The following MIOS variants were observed in gnomAD, a reference collection of about 807,000 sequenced individuals.
MIOS encodes the protein meiosis regulator for oocyte development, also known as GATOR2 complex protein MIOS.
Under a neutral mutation model 96.9 loss-of-function variants are expected in MIOS, and 52 were observed. The ratio of observed to expected loss-of-function variants is 0.54; its 90% CI spans 0.43 to 0.68. The LOEUF (loss-of-function observed/expected upper bound fraction) is 0.68. MIOS is among the 30% of genes least tolerant of loss of function. The pLI, the probability that MIOS is intolerant of heterozygous loss-of-function variation, is 0.00. For synonymous variants in MIOS, 397 were observed against 359.5 expected (o/e 1.10, Z -1.18); for missense variants, 1,005 against 1,052.8 (o/e 0.95, Z 0.63).
At position 7,573,187 on chromosome 7, in the gene MIOS, G is replaced by A. The variant is rs1166510706; in HGVS notation, c.712G>A (p.Asp238Asn). The change falls in exon 4 of 13, where the codon GAT (aspartate) becomes AAT (asparagine). Residue 238 changes from aspartate to asparagine, a missense_variant. Transcript: ENST00000340080. This position sits in a 1 kb window ranked among gnomAD's most constrained non-coding sequence, Gnocchi z 5.0. ...QGVTVDPYFH[D>N]RVASFYEGQV... ...TGTGACGGTAGACCCATATTTCCAC[G>A]ATCGTGTTGCTTCCTTCTATGAAGG... 6.2e-7 allele frequency: 1 copy of A among 1,614,016 alleles called. No homozygotes were observed. The highest frequency in any genetic ancestry group is 2.2e-5 in the East Asian group (1 of 44,876).
At chr7:7,594,342 T>G (rs2115456997) in intron 9 of MIOS, among the ~76,000 whole-genome samples, 1 of 151,888 alleles carries the variant, frequency 6.6e-6, no homozygotes, top group South Asian at 2.1e-4. Context: ...AGTCTCATTC[T>G]GTCACCCAGA....
At chr7:7,601,124 T>C (rs1437596260) in intron 11 of MIOS, among the ~76,000 whole-genome samples, 2 of 152,058 alleles carry the variant, frequency 1.3e-5, no homozygotes, top group African/African-American at 2.4e-5. Context: ...AGGAAAGATC[T>C]AAAATTGACA....
At position 7,572,928 on chromosome 7, in the gene MIOS, T is replaced by C. The variant is rs770598720; in HGVS notation, c.453T>C (p.Tyr151=). 5 of 1,614,064 alleles carry C rather than the reference T, an allele frequency of 3.1e-6. No homozygotes were observed. Among genetic ancestry groups the C allele is most frequent in the Admixed American group, 1.7e-5 (1 of 60,010 alleles). ...SVLIWDICSK[Y]TPDIVPMEKV... ...TAATATGGGATATCTGCAGCAAATATACTCCTGATATAGTTCCCATGGAAA... is the reference window on the plus strand; with the variant it reads ...TAATATGGGATATCTGCAGCAAATACACTCCTGATATAGTTCCCATGGAAA... Residue 151 remains tyrosine (Y), a synonymous_variant, in exon 4 of 13, where the codon TAT becomes TAC. Coordinates refer to ENST00000340080, the MANE Select transcript of MIOS (RefSeq NM_019005.4). This position sits in a 1 kb window ranked among gnomAD's most constrained non-coding sequence, Gnocchi z 4.8.
chr7:7,595,202 C>T, intron 10 of MIOS, 70 bp downstream of exon 10: 1 of 1,507,384 alleles, frequency 6.6e-7, no homozygotes, highest in Non-Finnish European at 8.9e-7. Context: ...TTACTATTAG[C>T]TCATTATTTT....
At chr7:7,601,528 G>C (rs1304914004) in intron 11 of MIOS, among the ~76,000 whole-genome samples, 1 of 152,158 alleles carries the variant, frequency 6.6e-6, no homozygotes, top group Non-Finnish European at 1.5e-5. Flanking sequence ...CCAGGAAGAA[G>C]TTGAATCTCT....
At chr7:7,585,416 C>CCT (rs1563027929) in intron 6 of MIOS, among the ~76,000 whole-genome samples, 2 of 73,466 alleles carry the variant, frequency 2.7e-5, no homozygotes, top group African/African-American at 8.3e-5. Context: ...AAACCCCCCC[C>CCT]TTTTTTTTTT....
rs532064149 is a variant in MIOS at position 7,570,908 on chromosome 7, C to T, written c.-40-1528C>T. On this transcript the variant is annotated intron_variant, in intron 3 of 12. Transcript: ENST00000340080. Reference sequence around the variant, plus strand: ...CCAGGGAGCAGAACTGGTCTGCGGCCCTGGGAGTTGGGGACCCCTGGTCTA... The same window carrying T: ...CCAGGGAGCAGAACTGGTCTGCGGCTCTGGGAGTTGGGGACCCCTGGTCTA... Among the ~76,000 whole-genome samples the T allele has an allele frequency of 3.3e-5, 5 of 152,254 alleles. No individual in the cohort carries two copies. In the South Asian group the frequency reaches 1.0e-3, roughly 32 times the overall value.
intron 7 of MIOS, among the ~76,000 whole-genome samples, chr7:7,587,000 T>G (rs577835837): frequency 0.031 from 4,598 of 148,832 alleles, 238 homozygotes; most frequent in African/African-American, 0.11. Context: ...TTTTTTTTTT[T>G]TTTTTTTTGT....
rs774401601 is a variant in MIOS at position 7,573,097 on chromosome 7, C to G, written c.622C>G (p.Leu208Val). ...TCTCCTTGCTGGTATGCATCGTAAC[C>G]TAGCTATATTTGATCTTCGGAATAC... ...KLLLAGMHRN[L>V]AIFDLRNTSQ... is the part of the protein sequence containing the mutation. The change falls in exon 4 of 13, where the codon CTA (leucine) becomes GTA (valine). Residue 208 changes from leucine (L) to valine (V), a missense_variant. This residue lies in a region of MIOS where 865 missense variants were observed against 887.9 expected (regional missense o/e 0.97). Coordinates refer to ENST00000340080, the MANE Select transcript of MIOS (RefSeq NM_019005.4). This position sits in a 1 kb window ranked among gnomAD's most constrained non-coding sequence, Gnocchi z 5.0. The G allele has an allele frequency of 2.8e-5, 45 of 1,613,936 alleles. No homozygotes were observed. Among genetic ancestry groups the G allele is most frequent in the Middle Eastern group, 1.6e-4 (1 of 6,084 alleles).
At chr7:7,594,094 G>A (rs140308598) in intron 9 of MIOS, among the ~76,000 whole-genome samples, 287 of 152,052 alleles carry the variant, frequency 1.9e-3, no homozygotes, top group African/African-American at 6.7e-3. Context: ...AACTAAGAAG[G>A]TATTTGGTTT....
Position 7,572,840 on chromosome 7 carries a change from A to G in MIOS, c.365A>G (p.Asn122Ser), listed in dbSNP as rs756421981. Reference sequence around the variant, plus strand: ...CGACAATGTAATACCCTTGCCTGGAATCCACTGGATAGTAACTGGCTAGCT... The same window carrying G: ...CGACAATGTAATACCCTTGCCTGGAGTCCACTGGATAGTAACTGGCTAGCT... ...HARQCNTLAW[N>S]PLDSNWLAAG... is the part of the protein sequence containing the mutation. Residue 122 changes from asparagine (N) to serine (S), a missense_variant, in exon 4 of 13, where the codon AAT (asparagine) becomes AGT (serine). Asn to Ser is a conservative substitution (Grantham distance 46). This residue lies in a region of MIOS where 137 missense variants were observed against 148.6 expected (regional missense o/e 0.92). Coordinates refer to ENST00000340080, the MANE Select transcript of MIOS (RefSeq NM_019005.4). The surrounding 1 kb of genome is among the most constrained non-coding windows in gnomAD (Gnocchi z 4.8). The G allele has an allele frequency of 1.9e-6, 3 of 1,614,082 alleles. No individual in the cohort carries two copies. The highest frequency in any genetic ancestry group is 2.5e-6 in the Non-Finnish European group (3 of 1,180,014).
At chr7:7,577,161 G>A (rs909224317) in intron 5 of MIOS, among the ~76,000 whole-genome samples, 1 of 152,136 alleles carries the variant, frequency 6.6e-6, no homozygotes, top group African/African-American at 2.4e-5. Flanking sequence ...GCAGATTGTC[G>A]AGAGATGTAG....
At chr7:7,603,285 A>C (rs1340371001) in intron 11 of MIOS, among the ~76,000 whole-genome samples, 1 of 151,858 alleles carries the variant, frequency 6.6e-6, no homozygotes, top group African/African-American at 2.4e-5. Flanking sequence ...GGCAACCTAC[A>C]AAATGGGAGA....
At chr7:7,584,169 C>G (rs1289968730) in intron 6 of MIOS, among the ~76,000 whole-genome samples, 1 of 152,080 alleles carries the variant, frequency 6.6e-6, no homozygotes, top group Non-Finnish European at 1.5e-5. Flanking sequence ...ATGAAATTCA[C>G]TGTAATTTTT....
At position 7,569,918 on chromosome 7, in the gene MIOS, C is replaced by T. The variant is rs547519408; in HGVS notation, c.-41+1795C>T. On this transcript the variant is annotated intron_variant, in intron 3 of 12. Transcript: ENST00000340080. ...AAGTGGAAAGGACAGTGTAAAAGGA[C>T]AGCAAGAATGTTGTGCCACAAGGCC... is the stretch of plus-strand genomic sequence containing the variant. Among the ~76,000 whole-genome samples, 4 of 152,286 alleles carry T rather than the reference C, an allele frequency of 2.6e-5. No homozygotes were observed. The East Asian group carries it at 5.8e-4, about 22-fold the overall frequency.
At chr7:7,591,795 T>C (rs1157194157) in intron 9 of MIOS, among the ~76,000 whole-genome samples, 1 of 152,172 alleles carries the variant, frequency 6.6e-6, no homozygotes, top group Non-Finnish European at 1.5e-5. Flanking sequence ...GAAGTCTGTT[T>C]TTCAGCAGAT....
chr7:7,592,712 T>G (rs1314779675), intron 9 of MIOS, among the ~76,000 whole-genome samples: 1 of 151,804 alleles, frequency 6.6e-6, no homozygotes. Flanking sequence ...CACAGTAGGG[T>G]TCACTGTCCT....
chr7:7,572,710 G>A lies in MIOS; in HGVS notation c.235G>A (p.Ala79Thr). 6.2e-7 allele frequency: 1 copy of A among 1,614,150 alleles called. No individual in the cohort carries two copies. The highest frequency in any genetic ancestry group is 8.5e-7 in the Non-Finnish European group (1 of 1,179,998). ...TAATTATGATCCTGAATGTCTGCTG[G>A]CAGTTGGACAAGCAAATGGTCGAGT... ...YLNYDPECLLAVGQANGRVVL... is the reference protein window; with the variant it reads ...YLNYDPECLLTVGQANGRVVL... The change falls in exon 4 of 13, where the codon GCA (alanine) becomes ACA (threonine). Residue 79 changes from alanine (A) to threonine (T), a missense_variant. By Grantham distance (58) the Ala-to-Thr change is moderately conservative. Around this residue, in one of 3 missense-constraint regions of MIOS, gnomAD observed 137 missense variants for 148.6 expected, o/e 0.92. Transcript: ENST00000340080. The surrounding 1 kb of genome is among the most constrained non-coding windows in gnomAD (Gnocchi z 4.8).
intron 11 of MIOS, among the ~76,000 whole-genome samples, chr7:7,598,452 C>T (rs576595180): frequency 6.6e-6 from 1 of 152,112 alleles, no homozygotes; most frequent in South Asian, 2.1e-4. Flanking sequence ...TTTAAATGTA[C>T]ATTTTAGTTT....
Sources: gnomAD v4.1 joint callset for allele counts (sites outside exome capture counted in the v4.1 genomes callset) on GRCh38, gnomAD v4.1.1 for gene constraint, gnomAD v4.1.1 regional missense constraint, Gnocchi (gnomAD v3.1) non-coding constraint, MANE v1.5 for transcripts, NCBI Gene and HGNC (gene_info 2026-07-23, HGNC 2026-07-21) for gene names.